The following USP8 variants were observed in gnomAD, a reference collection of about 807,000 sequenced individuals.
The protein encoded by USP8 is ubiquitin carboxyl-terminal hydrolase 8.
USP8 carries 27 observed loss-of-function variants against 130.0 expected under a neutral mutation model. The observed-to-expected ratio is 0.21, with a 90% CI of 0.15 to 0.29. The LOEUF is 0.29. Among genes scored for constraint, USP8 ranks in the 10% least tolerant of loss-of-function variants. USP8 has a pLI of 1.00. For synonymous variants in USP8, 392 were observed against 444.1 expected (o/e 0.88, Z 1.48); for missense variants, 1,029 against 1,312.2 (o/e 0.78, Z 3.33).
chr15:50,433,774 T>C (rs1010558060), intron 1 of USP8, among the ~76,000 whole-genome samples: 2 of 151,856 alleles, frequency 1.3e-5, no homozygotes, highest in Non-Finnish European at 1.5e-5. Flanking sequence ...CCCGGCTAAT[T>C]TTTTGTCTTT....
intron 3 of USP8, among the ~76,000 whole-genome samples, chr15:50,442,749 AAAAAACAAAC>A (rs1301421758): frequency 1.3e-5 from 2 of 152,202 alleles, no homozygotes; most frequent in East Asian, 3.8e-4. Context: ...ACTCCATCTC[AAAAAACAAAC>A]AAAAACAAAC....
intron 7 of USP8, among the ~76,000 whole-genome samples, chr15:50,468,027 C>T (rs568928712): frequency 4.7e-5 from 7 of 150,464 alleles, no homozygotes; most frequent in African/African-American, 1.7e-4. Context: ...CTCCACCTCC[C>T]GGGTTCAAGA....
chr15:50,468,066 G>T lies in USP8; in HGVS notation c.686+2875G>T, dbSNP rs917872124. On this transcript the variant is annotated intron_variant, in intron 7 of 19. Transcript: ENST00000307179. ...TTCTTCTGCCTCAGCCCCCTGAGTA[G>T]CTGGGATTACAGGCACGTGTCACCT... Among the ~76,000 whole-genome samples the T allele has an allele frequency of 2.0e-4, 31 of 151,840 alleles. No homozygotes were observed. In the South Asian group the frequency reaches 2.1e-3, roughly 10 times the overall value.
chr15:50,461,740 C>G (rs943616849), intron 5 of USP8, among the ~76,000 whole-genome samples: 4 of 152,002 alleles, frequency 2.6e-5, no homozygotes, highest in African/African-American at 9.7e-5. Context: ...GTAATCCCAG[C>G]TACTCAGGAG....
chr15:50,471,539 G>A (rs1595951411), intron 7 of USP8, 94 bp from the exon 8 acceptor site: 4 of 1,386,734 alleles, frequency 2.9e-6, no homozygotes, highest in Non-Finnish European at 3.9e-6. Context: ...GCTATGGTGT[G>A]GTAAAGACTG....
In USP8 at chr15:50,477,299, G is replaced by A. The variant is rs1438402880; in HGVS notation, c.1018G>A (p.Glu340Lys). Residue 340 changes from glutamate to lysine, a missense_variant, in exon 10 of 20, where the codon GAA becomes AAA. Physicochemically the swap from Glu to Lys is moderately conservative, Grantham distance 56 (BLOSUM62 1). Transcript: ENST00000307179. The stretch of plus-strand genomic sequence containing the variant: ...AGTGGATTTTACTTATCCCTCATTG[G>A]AAGAATCAATTCCTTCTAAACCTGC... The part of the protein sequence containing the change: ...ISLDFTYPSL[E>K]ESIPSKPAAQ... The A allele has an allele frequency of 6.2e-6, 10 of 1,612,368 alleles. No individual in the cohort carries two copies. Among genetic ancestry groups the A allele is most frequent in the East Asian group, 2.2e-5 (1 of 44,854 alleles).
At chr15:50,478,820 G>A (rs1283345264) in intron 10 of USP8, among the ~76,000 whole-genome samples, 2 of 152,068 alleles carry the variant, frequency 1.3e-5, no homozygotes, top group African/African-American at 4.8e-5. Flanking sequence ...TTTAGGAGGC[G>A]GAGGCAGGTG....
intron 17 of USP8, 21 bp from the exon 18 acceptor site, chr15:50,497,068 C>A (rs2052444940): frequency 6.3e-7 from 1 of 1,585,434 alleles, no homozygotes; most frequent in Non-Finnish European, 8.5e-7. Context: ...CGAGTATCTG[C>A]TACTTGTTTT....
At chr15:50,466,681 G>C (rs929230321) in intron 7 of USP8, 1 of 190,184 alleles carries the variant, frequency 5.3e-6, no homozygotes, top group South Asian at 1.0e-4. Flanking sequence ...TCCTGCTCCT[G>C]CTGTACTGCT....
At chr15:50,447,990 A>G (rs3098203) in intron 3 of USP8, among the ~76,000 whole-genome samples, 150,885 of 152,046 alleles carry the variant, frequency 0.99, 74,887 homozygotes, top group Middle Eastern at 1. Flanking sequence ...TGATCCACCC[A>G]CCCCAGCCTC....
chr15:50,433,075 C>T (rs1462770032), intron 1 of USP8, among the ~76,000 whole-genome samples: 1 of 152,132 alleles, frequency 6.6e-6, no homozygotes, highest in African/African-American at 2.4e-5. Context: ...AACCCTGTCT[C>T]TACTAAAATA....
intron 14 of USP8, 134 bp from the exon 15 acceptor site, chr15:50,492,567 T>C: frequency 1.2e-6 from 1 of 844,074 alleles, no homozygotes; most frequent in Non-Finnish European, 1.8e-6. Context: ...GCCCAGCATC[T>C]TATGAGTTAA....
At chr15:50,462,571 A>G (rs976283998) in intron 6 of USP8, among the ~76,000 whole-genome samples, 1 of 152,172 alleles carries the variant, frequency 6.6e-6, no homozygotes, top group East Asian at 1.9e-4. Flanking sequence ...GCAGTTGAAA[A>G]ATGTCAAAAC....
intron 7 of USP8, 62 bp from the exon 8 acceptor site, chr15:50,471,571 C>A: frequency 6.4e-7 from 1 of 1,554,722 alleles, no homozygotes; most frequent in Non-Finnish European, 8.7e-7. Context: ...TGAGTGTCTT[C>A]TGTTAGTATA....
chr15:50,491,954 C>T (rs1043246506), intron 14 of USP8, among the ~76,000 whole-genome samples: 5 of 152,106 alleles, frequency 3.3e-5, no homozygotes, highest in Non-Finnish European at 7.4e-5. Flanking sequence ...GCAACGTCTG[C>T]CTCCTCAAGC....
At chr15:50,435,110 C>T (rs1595899678) in intron 1 of USP8, among the ~76,000 whole-genome samples, 1 of 152,218 alleles carries the variant, frequency 6.6e-6, no homozygotes, top group Admixed American at 6.5e-5. Context: ...TTCATTCAGT[C>T]ATTCTAGTCA....
rs1404189450 is a variant in USP8 at position 50,424,413 on chromosome 15, C to A, written c.-167C>A. On this transcript the variant is annotated 5_prime_UTR_variant, in exon 1 of 20. It adds an upstream start codon to the 5' untranslated region. Transcript: ENST00000307179. Reference sequence around the variant, plus strand: ...AATCGGGAAAAGGGGGTGAGCTGGGCTGGCTTCCGTCCTGGTAGCCAAGGC... The same window carrying A: ...AATCGGGAAAAGGGGGTGAGCTGGGATGGCTTCCGTCCTGGTAGCCAAGGC... The A allele has an allele frequency of 2.5e-6, 1 of 398,718 alleles. No individual in the cohort carries two copies. The allele number at this position is 398,718 out of a possible 1,614,324, so 24.7% of individuals were successfully genotyped here.
intron 16 of USP8, among the ~76,000 whole-genome samples, chr15:50,495,189 G>GAT (rs147090227): frequency 1.3e-3 from 192 of 146,760 alleles, no homozygotes; most frequent in South Asian, 4.6e-3. Flanking sequence ...CCACTGAACA[G>GAT]ATATATATAT....
At chr15:50,473,560 C>A (rs563885419) in intron 8 of USP8, among the ~76,000 whole-genome samples, 72 of 151,716 alleles carry the variant, frequency 4.7e-4, no homozygotes, top group African/African-American at 1.7e-3. Context: ...AGTGCAGTGG[C>A]ACAATCATAG....
Sources: allele counts gnomAD v4.1 joint callset (sites outside exome capture counted in the v4.1 genomes callset), GRCh38; gene constraint gnomAD v4.1.1; transcripts MANE v1.5; gene names NCBI Gene and HGNC (gene_info 2026-07-23, HGNC 2026-07-21).